The following LRRC9 variants were observed in gnomAD, a reference collection of about 807,000 sequenced individuals.
LRRC9 encodes leucine-rich repeat-containing protein 9.
In LRRC9, 122 loss-of-function variants were observed where a neutral mutation model predicts 63.2. The observed-to-expected ratio is 1.93, with a 90% CI of 1.67 to 2.24. The LOEUF (loss-of-function observed/expected upper bound fraction) is 2.24. Among genes scored for constraint, LRRC9 ranks in the 30% most tolerant of loss-of-function variants. The pLI, the probability that LRRC9 is intolerant of heterozygous loss-of-function variation, is 0.00. For synonymous variants in LRRC9, 366 were observed against 213.1 expected (o/e 1.72, Z -6.25); for missense variants, 1,071 against 627.7 (o/e 1.71, Z -7.55).
chr14:59,920,938 T>C lies in LRRC9; in HGVS notation c.-34+1055T>C, dbSNP rs1199288808. Among the ~76,000 whole-genome samples the C allele has an allele frequency of 5.3e-5, 8 of 152,316 alleles. No individual in the cohort carries two copies. The East Asian group carries it at 1.5e-3, about 29-fold the overall frequency. Reference sequence around the variant, plus strand: ...ACAGTTTCTGCCTTCAATGAACATGTAACCTAGTAGGGAAGAAAGGCCCGT... The same window carrying C: ...ACAGTTTCTGCCTTCAATGAACATGCAACCTAGTAGGGAAGAAAGGCCCGT... On this transcript the variant is annotated intron_variant, in intron 1 of 31. Coordinates refer to ENST00000445360, the Ensembl canonical transcript of LRRC9.
intron 23 of LRRC9, among the ~76,000 whole-genome samples, chr14:60,008,580 T>C (rs1164846304): frequency 6.6e-6 from 1 of 152,186 alleles, no homozygotes; most frequent in Admixed American, 6.5e-5. Flanking sequence ...ATATAGTTGC[T>C]AATATTAATA....
intron 29 of LRRC9, among the ~76,000 whole-genome samples, chr14:60,034,015 CTTTTTTTTTTT>C: frequency 8.6e-6 from 1 of 116,016 alleles, no homozygotes; most frequent in East Asian, 2.6e-4. Context: ...TTTTTTCTTT[CTTTTTTTTTTT>C]TTTTTTTTTT....
chr14:59,960,131 G>T (rs1174076034), intron 9 of LRRC9, 117 bp downstream of exon 9: 3 of 520,552 alleles, frequency 5.8e-6, no homozygotes, highest in Non-Finnish European at 1.0e-5. Flanking sequence ...ACAGTATGAA[G>T]TAAAGCATGA....
intron 9 of LRRC9, among the ~76,000 whole-genome samples, 161 bp from the exon 10 acceptor site, chr14:59,960,753 T>C (rs1323038493): frequency 6.6e-6 from 1 of 152,208 alleles, no homozygotes; most frequent in Non-Finnish European, 1.5e-5. Context: ...TTGCCAAAAA[T>C]AGAATGTCTT....
At chr14:59,994,455 A>G (rs1169988465) in intron 17 of LRRC9, among the ~76,000 whole-genome samples, 1 of 152,198 alleles carries the variant, frequency 6.6e-6, no homozygotes, top group Non-Finnish European at 1.5e-5. Flanking sequence ...CAGTGTGGTG[A>G]TTCCTCAGGG....
At position 60,004,571 on chromosome 14, in the gene LRRC9, C is replaced by A. The variant is rs1461872566; in HGVS notation, c.2842+773C>A. On this transcript the variant is annotated intron_variant, in intron 21 of 31. Transcript: ENST00000445360. The surrounding 1 kb of genome is among the most constrained non-coding windows in gnomAD (Gnocchi z 4.8). ...ATAAAAAAGACTTTTCCTCCCTTTC[C>A]CCTTCCAAGCTTCTTAGATTCTTCA... is the stretch of plus-strand genomic sequence containing the variant. Among the ~76,000 whole-genome samples, 1 of 151,936 alleles carries A rather than the reference C, an allele frequency of 6.6e-6. No homozygotes were observed. Among genetic ancestry groups the A allele is most frequent in the Non-Finnish European group, 1.5e-5 (1 of 67,916 alleles).
Position 59,981,724 on chromosome 14 carries a change from C to A in LRRC9, c.1879-124C>A, listed in dbSNP as rs114960682. 7.8e-4 allele frequency: 477 copies of A among 607,948 alleles called. 3 individuals are homozygous for A. The African/African-American group carries it at 8.0e-3, about 10-fold the overall frequency. 37.7% of individuals were successfully genotyped at this position (607,948 alleles called of 1,614,324 possible). On this transcript the variant is annotated intron_variant, in intron 15 of 31. Transcript: ENST00000445360. The stretch of plus-strand genomic sequence containing the variant: ...CTCTCATAGATGTCCTAATGTGATT[C>A]TGATAATCACAGATATGACTGTATA...
At chr14:59,937,098 G>C (rs1047662346) in intron 6 of LRRC9, among the ~76,000 whole-genome samples, 17 of 150,934 alleles carry the variant, frequency 1.1e-4, no homozygotes, top group Admixed American at 2.0e-4. Flanking sequence ...TTTAGTGCCT[G>C]CTGTGTTCTA....
At chr14:60,057,658 A>G (rs1298608129) in intron 30 of LRRC9, 2 of 336,376 alleles carry the variant, frequency 5.9e-6, no homozygotes, top group Admixed American at 4.3e-5. Context: ...AGTCTGAAAA[A>G]AAAAAAAAAA....
intron 31 of LRRC9, 60 bp from the exon 32 acceptor site, chr14:60,061,947 GTTAA>G (rs2140475710): frequency 5.0e-6 from 2 of 397,784 alleles, no homozygotes; most frequent in African/African-American, 2.1e-5. Flanking sequence ...TAATGCTTAT[GTTAA>G]TTAATGTTTC....
intron 27 of LRRC9, among the ~76,000 whole-genome samples, chr14:60,025,739 C>T (rs1052527612): frequency 6.6e-6 from 1 of 151,368 alleles, no homozygotes; most frequent in African/African-American, 2.4e-5. Flanking sequence ...AAGTTTGCAC[C>T]AGTGTGTGTT....
intron 7 of LRRC9, among the ~76,000 whole-genome samples, chr14:59,939,355 A>G (rs1301838437): frequency 6.6e-6 from 1 of 151,934 alleles, no homozygotes; most frequent in East Asian, 1.9e-4. Flanking sequence ...GTGAGACTGT[A>G]GACTGTTGTA....
chr14:60,023,475 T>A (rs1209538639), intron 27 of LRRC9, among the ~76,000 whole-genome samples: 5 of 151,966 alleles, frequency 3.3e-5, no homozygotes. Flanking sequence ...GACATGACTG[T>A]GGTGTCTATG....
intron 29 of LRRC9, among the ~76,000 whole-genome samples, chr14:60,050,480 G>A (rs748230114): frequency 2.0e-5 from 3 of 152,078 alleles, no homozygotes; most frequent in Non-Finnish European, 4.4e-5. Flanking sequence ...GTTTTATTAT[G>A]TTTCTTAGCT....
At position 59,938,390 on chromosome 14, in the gene LRRC9, G is replaced by C. The variant is rs757727700; in HGVS notation, c.544G>C (p.Glu182Gln). ...AACATTATCTTTGCTGGCATTTTAGGAACTCACGAACTTAACCAGGCTGCC... is the reference window on the plus strand; with the variant it reads ...AACATTATCTTTGCTGGCATTTTAGCAACTCACGAACTTAACCAGGCTGCC... The change falls in exon 7 of 32, where the codon GAA (glutamate) becomes CAA (glutamine). Residue 182 changes from glutamate (E) to glutamine (Q), a missense_variant and splice_region_variant. Coordinates refer to ENST00000445360, the Ensembl canonical transcript of LRRC9. This position sits in a 1 kb window ranked among gnomAD's most constrained non-coding sequence, Gnocchi z 4.2. 12 of 677,884 alleles carry C rather than the reference G, an allele frequency of 1.8e-5. No homozygotes were observed. The highest frequency in any genetic ancestry group is 1.4e-4 in the South Asian group (9 of 63,488). The allele number at this position is 677,884 out of a possible 1,614,324, so 42.0% of individuals were successfully genotyped here. A position where few individuals can be genotyped will look rare whatever the true frequency, so the allele number is the denominator to read the frequency against.
intron 17 of LRRC9, among the ~76,000 whole-genome samples, chr14:59,992,573 C>T (rs138907428): frequency 5.9e-5 from 9 of 152,006 alleles, no homozygotes; most frequent in African/African-American, 1.2e-4. Context: ...AAAAATTAGA[C>T]GAATGGCTAA....
intron 23 of LRRC9, among the ~76,000 whole-genome samples, chr14:60,011,413 C>G: frequency 6.6e-6 from 1 of 152,206 alleles, no homozygotes; most frequent in Non-Finnish European, 1.5e-5. Context: ...GGTGGGGACA[C>G]AGAGCCAATC....
intron 7 of LRRC9, among the ~76,000 whole-genome samples, chr14:59,939,140 T>C (rs535628962): frequency 6.7e-6 from 1 of 150,324 alleles, no homozygotes; most frequent in East Asian, 1.9e-4. Flanking sequence ...AAAGCTTAAA[T>C]AACAGAAATG....
intron 23 of LRRC9, among the ~76,000 whole-genome samples, chr14:60,013,306 A>G (rs1566875991): frequency 6.6e-6 from 1 of 152,168 alleles, no homozygotes; most frequent in Non-Finnish European, 1.5e-5. Context: ...ACAGGCCATC[A>G]GGAAGGGAAG....
Sources: gnomAD v4.1 joint callset for allele counts (sites outside exome capture counted in the v4.1 genomes callset) on GRCh38, gnomAD v4.1.1 for gene constraint, Gnocchi (gnomAD v3.1) non-coding constraint, MANE v1.5 for transcripts, NCBI Gene and HGNC (gene_info 2026-07-23, HGNC 2026-07-21) for gene names.